Variants in APBB1IP observed in about 807,000 individuals in gnomAD.
APBB1IP encodes the protein amyloid beta A4 precursor protein-binding family B member 1-interacting protein.
In APBB1IP, 27 loss-of-function variants were observed where a neutral mutation model predicts 64.9. The observed-to-expected ratio is 0.42, with a 90% CI of 0.31 to 0.57. APBB1IP has a LOEUF of 0.57. APBB1IP is among the 20% of genes least tolerant of loss of function. The pLI, the probability that APBB1IP is intolerant of heterozygous loss-of-function variation, is 0.20. For synonymous variants in APBB1IP, 392 were observed against 331.0 expected (o/e 1.18, Z -2.00); for missense variants, 812 against 845.5 (o/e 0.96, Z 0.49).
intron 14 of APBB1IP, among the ~76,000 whole-genome samples, chr10:26,565,587 T>G (rs1258301699): frequency 6.6e-6 from 1 of 152,218 alleles, no homozygotes; most frequent in Non-Finnish European, 1.5e-5. Flanking sequence ...CTTCCATTTA[T>G]AGGAGACTTG....
intron 2 of APBB1IP, among the ~76,000 whole-genome samples, chr10:26,452,436 A>G (rs1284656572): frequency 6.6e-6 from 1 of 152,220 alleles, no homozygotes; most frequent in African/African-American, 2.4e-5. Context: ...GGACATGGAG[A>G]CACCATCACA....
intron 8 of APBB1IP, among the ~76,000 whole-genome samples, chr10:26,523,437 T>C (rs968648491): frequency 6.6e-6 from 1 of 152,224 alleles, no homozygotes; most frequent in African/African-American, 2.4e-5. Flanking sequence ...AAGTTGTCCT[T>C]TTGTTTAGGG....
intron 2 of APBB1IP, among the ~76,000 whole-genome samples, chr10:26,439,811 C>G (rs1290561381): frequency 6.6e-6 from 1 of 152,090 alleles, no homozygotes; most frequent in Non-Finnish European, 1.5e-5. Flanking sequence ...ACAAAGGTGC[C>G]GGTACTAGCT....
intron 2 of APBB1IP, among the ~76,000 whole-genome samples, chr10:26,448,888 A>T (rs1367735611): frequency 6.6e-6 from 1 of 152,190 alleles, no homozygotes; most frequent in African/African-American, 2.4e-5. Context: ...TGCCCTAGGC[A>T]ACCATGGTGG....
intron 11 of APBB1IP, among the ~76,000 whole-genome samples, chr10:26,556,163 A>C (rs1836892369): frequency 6.6e-6 from 1 of 152,206 alleles, no homozygotes; most frequent in African/African-American, 2.4e-5. Context: ...GGAACAATCA[A>C]ATCAATTGCG....
chr10:26,494,577 C>T (rs1345255367), intron 3 of APBB1IP, among the ~76,000 whole-genome samples: 1 of 152,146 alleles, frequency 6.6e-6, no homozygotes, highest in Non-Finnish European at 1.5e-5. Context: ...CCTGTAATGC[C>T]AGCACTTTGG....
At chr10:26,506,298 A>T (rs1452562537) in intron 6 of APBB1IP, among the ~76,000 whole-genome samples, 2 of 142,992 alleles carry the variant, frequency 1.4e-5, no homozygotes, top group African/African-American at 2.7e-5. Context: ...CCCAGGCTGG[A>T]GTGCAGTGGT....
At chr10:26,440,200 TA>T (rs1445017751) in intron 2 of APBB1IP, among the ~76,000 whole-genome samples, 1 of 152,216 alleles carries the variant, frequency 6.6e-6, no homozygotes, top group South Asian at 2.1e-4. Flanking sequence ...CCCATCTAGA[TA>T]AGGATGATAT....
chr10:26,557,074 CA>C (rs1051804250), intron 11 of APBB1IP, among the ~76,000 whole-genome samples: 1 of 152,174 alleles, frequency 6.6e-6, no homozygotes, highest in African/African-American at 2.4e-5. Context: ...ATTAAGAAAA[CA>C]AATCCTTTTT....
rs1187209154 is a variant in APBB1IP, at chr10:26,523,027, A to C, written c.813+9367A>C. Reference sequence around the variant, plus strand: ...TCCATCTCCAAAAAAAAAAAAAAAAAAAAAACCAAGAAAAAAACAATGGGG... The same window carrying C: ...TCCATCTCCAAAAAAAAAAAAAAAACAAAAACCAAGAAAAAAACAATGGGG... On this transcript the variant is annotated intron_variant, in intron 8 of 14. Coordinates refer to ENST00000376236, the MANE Select transcript of APBB1IP (RefSeq NM_019043.4). Among the ~76,000 whole-genome samples, 6 of 151,754 alleles carry C rather than the reference A, an allele frequency of 4.0e-5. No individual in the cohort carries two copies. In the East Asian group the frequency reaches 9.7e-4, roughly 24 times the overall value.
chr10:26,445,221 A>C (rs1835384092), intron 2 of APBB1IP, among the ~76,000 whole-genome samples: 1 of 152,138 alleles, frequency 6.6e-6, no homozygotes, highest in African/African-American at 2.4e-5. Flanking sequence ...AAGTCTTTGC[A>C]ATCCTAAAAC....
chr10:26,524,771 C>T (rs1294601299), intron 8 of APBB1IP, among the ~76,000 whole-genome samples: 3 of 151,988 alleles, frequency 2.0e-5, no homozygotes, highest in Non-Finnish European at 4.4e-5. Context: ...TCTGCTGTCT[C>T]TTATGTGATA....
intron 11 of APBB1IP, among the ~76,000 whole-genome samples, chr10:26,550,099 G>A (rs1024801550): frequency 1.3e-5 from 2 of 151,208 alleles, no homozygotes; most frequent in African/African-American, 4.9e-5. Context: ...GGCCTGCAAG[G>A]TTTCTGCTAA....
At chr10:26,495,159 CA>C (rs981964699) in intron 3 of APBB1IP, among the ~76,000 whole-genome samples, 5 of 151,750 alleles carry the variant, frequency 3.3e-5, no homozygotes, top group African/African-American at 1.2e-4. Flanking sequence ...AGGTGTGCAC[CA>C]CCACACCCAG....
At chr10:26,518,291 A>C (rs565963852) in intron 8 of APBB1IP, among the ~76,000 whole-genome samples, 69 of 148,054 alleles carry the variant, frequency 4.7e-4, no homozygotes, top group Non-Finnish European at 2.1e-4. Context: ...TCTGTCACCC[A>C]GGCTGGAATG....
At chr10:26,533,413 A>T (rs1836578609) in intron 8 of APBB1IP, 26 bp from the exon 9 acceptor site, 1 of 1,451,080 alleles carries the variant, frequency 6.9e-7, no homozygotes, top group Non-Finnish European at 9.6e-7. Context: ...ACACTTACTG[A>T]TCTGATCTTT....
Position 26,518,541 on chromosome 10 carries a change from A to G in APBB1IP, c.813+4881A>G, listed in dbSNP as rs576694375. On this transcript the variant is annotated intron_variant, in intron 8 of 14. Coordinates refer to ENST00000376236, the MANE Select transcript of APBB1IP (RefSeq NM_019043.4). ...TGACTTAGCCTCCCATTAACATTGT[A>G]TGAGAATTCCTGTTGTTCCAGATCC... 4.0e-4 allele frequency among the ~76,000 whole-genome samples: 61 copies of G among 152,332 alleles called. No individual in the cohort carries two copies. In the South Asian group the frequency reaches 9.1e-3, roughly 23 times the overall value.
intron 8 of APBB1IP, among the ~76,000 whole-genome samples, chr10:26,523,896 G>A (rs1450423083): frequency 6.6e-6 from 1 of 152,084 alleles, no homozygotes; most frequent in Admixed American, 6.5e-5. Context: ...CTTCCCCATG[G>A]TTAACTGTCC....
intron 11 of APBB1IP, among the ~76,000 whole-genome samples, chr10:26,554,878 C>T (rs1041709923): frequency 1.3e-5 from 2 of 152,068 alleles, no homozygotes; most frequent in African/African-American, 4.8e-5. Context: ...CGACCACACC[C>T]GGCTTACACC....
Sources: gnomAD v4.1 joint callset for allele counts (sites outside exome capture counted in the v4.1 genomes callset) on GRCh38, gnomAD v4.1.1 for gene constraint, MANE v1.5 for transcripts, NCBI Gene and HGNC (gene_info 2026-07-23, HGNC 2026-07-21) for gene names.